Variants in MPDZ observed in about 807,000 individuals in gnomAD.
The protein encoded by MPDZ is multiple PDZ domain protein.
In MPDZ, 234 loss-of-function variants were observed where a neutral mutation model predicts 239.1. The observed-to-expected ratio is 0.98, with a 90% CI of 0.88 to 1.09. The LOEUF is 1.09. Ranked by LOEUF, MPDZ falls within the 50% of genes least tolerant of loss-of-function variation. The probability of loss-of-function intolerance (pLI) is 0.00; values close to 1 mark genes in which losing one functional copy is unlikely to be tolerated. For synonymous variants in MPDZ, 1,048 were observed against 881.3 expected (o/e 1.19, Z -3.35); for missense variants, 3,175 against 2,510.0 (o/e 1.26, Z -5.66).
intron 19 of MPDZ, among the ~76,000 whole-genome samples, chr9:13,177,479 A>C (rs181294140): frequency 2.0e-5 from 3 of 152,320 alleles, no homozygotes; most frequent in Admixed American, 6.5e-5. Flanking sequence ...ACACACTCAC[A>C]CATACAAGCA....
At chr9:13,167,301 G>T (rs528106056) in intron 22 of MPDZ, among the ~76,000 whole-genome samples, 14 of 152,158 alleles carry the variant, frequency 9.2e-5, no homozygotes, top group African/African-American at 3.1e-4. Context: ...CTGATGATCT[G>T]TTCAACTGTA....
Position 13,217,236 on chromosome 9 carries a change from T to C in MPDZ, c.1145A>G (p.Lys382Arg). Reference sequence around the variant, plus strand: ...GGTAATTCCTAATCCTTGGACATTTTTAGTGAGTTCTACATCAAATGTCTC... The same window carrying C: ...GGTAATTCCTAATCCTTGGACATTTCTAGTGAGTTCTACATCAAATGTCTC... ...ESETFDVELT[K>R]NVQGLGITIA... is the part of the protein sequence containing the mutation. The change falls in exon 9 of 47, where the codon AAA becomes AGA. Residue 382 changes from lysine (K) to arginine (R), a missense_variant. Lys to Arg is a conservative substitution (Grantham distance 26). Coordinates refer to ENST00000319217, the MANE Select transcript of MPDZ (RefSeq NM_001378778.1). 1.2e-6 allele frequency: 2 copies of C among 1,604,552 alleles called. No individual in the cohort carries two copies. Among genetic ancestry groups the C allele is most frequent in the Non-Finnish European group, 1.7e-6 (2 of 1,175,488 alleles).
intron 1 of MPDZ, among the ~76,000 whole-genome samples, chr9:13,270,668 T>G (rs920792664): frequency 1.3e-5 from 2 of 152,132 alleles, no homozygotes; most frequent in African/African-American, 4.8e-5. Context: ...AAAATTAATT[T>G]CACCTACTTC....
rs552773163 is a variant in MPDZ, at chr9:13,241,565, T to C, written c.183+6070A>G. Among the ~76,000 whole-genome samples the C allele has an allele frequency of 3.9e-5, 6 of 152,198 alleles. No homozygotes were observed. In the East Asian group the frequency reaches 5.8e-4, roughly 15 times the overall value. On this transcript the variant is annotated intron_variant, in intron 3 of 46. Coordinates refer to ENST00000319217, the MANE Select transcript of MPDZ (RefSeq NM_001378778.1). ...CCTTTCGGTCTCAAATTAGAAACTA[T>C]AGGGAAAGGGTCATTTTTAGTTTGT...
chr9:13,165,267 G>T, intron 22 of MPDZ: 1 of 1,132,730 alleles, frequency 8.8e-7, no homozygotes, highest in Non-Finnish European at 1.3e-6. Flanking sequence ...TCTATATCTG[G>T]ATCTATTCTT....
chr9:13,126,191 T>G (rs1015648806), intron 34 of MPDZ, among the ~76,000 whole-genome samples: 5 of 152,224 alleles, frequency 3.3e-5, no homozygotes, highest in African/African-American at 9.6e-5. Flanking sequence ...AATGGATATT[T>G]ATAACAGCAA....
intron 4 of MPDZ, 90 bp from the exon 5 acceptor site, chr9:13,223,800 G>C: frequency 7.3e-7 from 1 of 1,371,086 alleles, no homozygotes; most frequent in Non-Finnish European, 9.7e-7. Context: ...GGGAGGCCAA[G>C]GTGGGAGGAT....
intron 13 of MPDZ, among the ~76,000 whole-genome samples, chr9:13,193,758 G>A (rs372469225): frequency 1.3e-5 from 2 of 152,082 alleles, no homozygotes; most frequent in African/African-American, 4.8e-5. Flanking sequence ...ACCAAAGAAT[G>A]AACTTCCAAT....
intron 24 of MPDZ, among the ~76,000 whole-genome samples, chr9:13,154,663 G>C (rs183178286): frequency 6.6e-6 from 1 of 152,120 alleles, no homozygotes; most frequent in African/African-American, 2.4e-5. Flanking sequence ...TTATGATGGT[G>C]GTGGTTGTGG....
intron 5 of MPDZ, 59 bp downstream of exon 5, chr9:13,223,512 G>T: frequency 6.6e-7 from 1 of 1,523,890 alleles, no homozygotes; most frequent in South Asian, 1.4e-5. Context: ...TTCCTGCATA[G>T]TAACCAAAAC....
intron 6 of MPDZ, 72 bp from the exon 7 acceptor site, chr9:13,221,572 T>G: frequency 6.6e-7 from 1 of 1,515,648 alleles, no homozygotes; most frequent in Non-Finnish European, 8.9e-7. Flanking sequence ...CAGTAGAAAT[T>G]TTTGCGATTA....
intron 9 of MPDZ, 43 bp from the exon 10 acceptor site, chr9:13,216,905 A>T (rs1451082224): frequency 6.9e-7 from 1 of 1,440,754 alleles, no homozygotes; most frequent in African/African-American, 1.4e-5. Flanking sequence ...TTCAAAGCAC[A>T]TTCAAAGAAT....
intron 10 of MPDZ, among the ~76,000 whole-genome samples, chr9:13,210,389 T>C (rs1587821055): frequency 1.3e-5 from 2 of 151,220 alleles, no homozygotes; most frequent in Admixed American, 6.6e-5. Flanking sequence ...AAGAACTAAG[T>C]GTTGTTAAAT....
chr9:13,216,252 T>A (rs1368918567), intron 10 of MPDZ, among the ~76,000 whole-genome samples: 1 of 151,640 alleles, frequency 6.6e-6, no homozygotes, highest in Admixed American at 6.6e-5. Flanking sequence ...CACATTGATG[T>A]TACAACGATA....
intron 1 of MPDZ, among the ~76,000 whole-genome samples, chr9:13,260,924 G>T (rs776517889): frequency 1.3e-5 from 2 of 152,114 alleles, no homozygotes; most frequent in African/African-American, 2.4e-5. Context: ...CATTCCGCAG[G>T]CCCTCCTCCA....
intron 2 of MPDZ, among the ~76,000 whole-genome samples, chr9:13,249,035 C>G (rs1381303016): frequency 1.5e-5 from 2 of 129,248 alleles, no homozygotes; most frequent in African/African-American, 5.5e-5. Context: ...GAGATACTTT[C>G]TATAGCACCA....
chr9:13,219,893 A>T, intron 7 of MPDZ, 125 bp from the exon 8 acceptor site: 3 of 828,676 alleles, frequency 3.6e-6, no homozygotes, highest in Non-Finnish European at 5.7e-6. Context: ...CATAAAATAA[A>T]ACACATGGGT....
chr9:13,109,342 G>A lies in MPDZ; in HGVS notation c.5943-283C>T, dbSNP rs1228841164. Among the ~76,000 whole-genome samples the A allele has an allele frequency of 1.3e-5, 2 of 152,102 alleles. 1 individual carries two copies. The highest frequency in any genetic ancestry group is 2.9e-5 in the Non-Finnish European group (2 of 68,008). ...TCATGGCATGTTCTCATTGTACAGA[G>A]AAGCTCATTCTTTTTCCAGTTTATT... On this transcript the variant is annotated intron_variant, in intron 45 of 46. Coordinates refer to ENST00000319217, the MANE Select transcript of MPDZ (RefSeq NM_001378778.1).
intron 23 of MPDZ, among the ~76,000 whole-genome samples, chr9:13,162,403 A>C (rs1399913937): frequency 6.6e-6 from 1 of 152,092 alleles, no homozygotes; most frequent in Non-Finnish European, 1.5e-5. Context: ...TAATGGAATA[A>C]TACTCATTTG....
Sources: allele counts gnomAD v4.1 joint callset (sites outside exome capture counted in the v4.1 genomes callset), GRCh38; gene constraint gnomAD v4.1.1; transcripts MANE v1.5; gene names NCBI Gene and HGNC (gene_info 2026-07-23, HGNC 2026-07-21).